The following PIK3C2G variants were observed in gnomAD, a reference collection of about 807,000 sequenced individuals.
PIK3C2G encodes the protein phosphatidylinositol-4-phosphate 3-kinase catalytic subunit type 2 gamma, also known as phosphatidylinositol 3-kinase C2 domain-containing subunit gamma.
A neutral mutation model predicts 181.1 loss-of-function variants in PIK3C2G; 168 were observed. That is an observed-to-expected ratio of 0.93 (90% confidence interval 0.82 to 1.05). PIK3C2G has a LOEUF of 1.05. Among genes scored for constraint, PIK3C2G ranks in the 50% least tolerant of loss-of-function variants. The probability of loss-of-function intolerance (pLI) is 0.00; values close to 1 mark genes in which losing one functional copy is unlikely to be tolerated. For missense variants in PIK3C2G, 1,869 were observed against 1,732.8 expected (o/e 1.08, Z -1.40); for synonymous variants, 573 against 592.2 (o/e 0.97, Z 0.47).
upstream of PIK3C2G, among the ~76,000 whole-genome samples, chr12:18,246,066 T>C (rs562388435): frequency 6.6e-6 from 1 of 152,298 alleles, no homozygotes; most frequent in South Asian, 2.1e-4. Flanking sequence ...TGCAAAGCTT[T>C]AGAAGTATCT....
intron 4 of PIK3C2G, among the ~76,000 whole-genome samples, chr12:18,293,310 T>C (rs2137220312): frequency 6.6e-6 from 1 of 152,200 alleles, no homozygotes; most frequent in East Asian, 1.9e-4. Context: ...AACTAAAAAA[T>C]GAAAAATCTA....
At chr12:18,460,579 A>G (rs146616939) in intron 18 of PIK3C2G, among the ~76,000 whole-genome samples, 21,137 of 148,308 alleles carry the variant, frequency 0.14, 1,614 homozygotes, top group African/African-American at 0.2. Flanking sequence ...GTCTCAAAAA[A>G]TAAATAAATA....
rs550241487 is a variant in PIK3C2G, at chr12:18,525,409, T to C, written c.3324-12747T>C. On this transcript the variant is annotated intron_variant, in intron 24 of 32. Coordinates refer to ENST00000538779, the MANE Select transcript of PIK3C2G (RefSeq NM_001288772.2). The stretch of plus-strand genomic sequence containing the variant: ...ACCCCATCTCAAAAAAAAAAATCTG[T>C]ATATCGAAGTTCATAAATTGAACTA... Among the ~76,000 whole-genome samples, 94 of 152,094 alleles carry C rather than the reference T, an allele frequency of 6.2e-4. 2 individuals carry two copies. The highest frequency in any genetic ancestry group is 2.2e-4 in the Non-Finnish European group (15 of 67,976).
intron 31 of PIK3C2G, among the ~76,000 whole-genome samples, chr12:18,618,817 T>A (rs1948718390): frequency 1.3e-5 from 2 of 152,046 alleles, no homozygotes; most frequent in Non-Finnish European, 2.9e-5. Context: ...CCTAAAATGA[T>A]AAATCTTGCT....
At chr12:18,651,386 C>A (rs73344919), downstream of PIK3C2G, among the ~76,000 whole-genome samples, 582 of 152,274 alleles carry the variant, frequency 3.8e-3, 6 homozygotes, top group African/African-American at 0.013. Context: ...TACTCTACAC[C>A]ACTTTTATCT....
In PIK3C2G at chr12:18,529,817, C is replaced by T. The variant is rs1195393325; in HGVS notation, c.3324-8339C>T. ...ATTTCAAGAGGAAGTGCAATATGAA[C>T]AGGATTTTAAAGAAAGGATTGGACT... On this transcript the variant is annotated intron_variant, in intron 24 of 32. Transcript: ENST00000538779. Among the ~76,000 whole-genome samples, 5 of 152,010 alleles carry T rather than the reference C, an allele frequency of 3.3e-5. No individual in the cohort carries two copies. The East Asian group carries it at 9.6e-4, about 29-fold the overall frequency.
the PIK3C2G span, among the ~76,000 whole-genome samples, chr12:18,664,796 G>A: frequency 6.6e-6 from 1 of 151,372 alleles, no homozygotes; most frequent in African/African-American, 2.4e-5. Flanking sequence ...AGAAAATGTG[G>A]CACATATACA....
intron 8 of PIK3C2G, among the ~76,000 whole-genome samples, chr12:18,332,252 C>T (rs1224994642): frequency 6.6e-6 from 1 of 152,132 alleles, no homozygotes; most frequent in Admixed American, 6.5e-5. Flanking sequence ...TTGACAGCTC[C>T]TGCTTGTCTG....
At chr12:18,298,244 C>T (rs1469200327) in intron 5 of PIK3C2G, among the ~76,000 whole-genome samples, 6 of 151,934 alleles carry the variant, frequency 3.9e-5, no homozygotes, top group Admixed American at 1.3e-4. Flanking sequence ...AACAATATCT[C>T]ATTGTTGTTT....
At chr12:18,435,110 A>G (rs915954942) in intron 18 of PIK3C2G, among the ~76,000 whole-genome samples, 1 of 152,002 alleles carries the variant, frequency 6.6e-6, no homozygotes, top group East Asian at 1.9e-4. Context: ...TACCATTTCA[A>G]TTCTTTCACC....
intron 15 of PIK3C2G, 123 bp downstream of exon 15, chr12:18,391,375 G>T (rs1943522233): frequency 1.7e-6 from 1 of 592,100 alleles, no homozygotes; most frequent in Non-Finnish European, 2.7e-6. Flanking sequence ...TTCATTTCCT[G>T]ATGTCATGCT....
chr12:18,546,274 G>T, intron 25 of PIK3C2G, 49 bp from the exon 26 acceptor site: 1 of 1,085,954 alleles, frequency 9.2e-7, no homozygotes, highest in Non-Finnish European at 1.4e-6. Flanking sequence ...GATTGTATCT[G>T]CATTTATTCT....
chr12:18,449,842 T>A (rs1362471937), intron 18 of PIK3C2G, among the ~76,000 whole-genome samples: 1 of 152,226 alleles, frequency 6.6e-6, no homozygotes, highest in East Asian at 1.9e-4. Context: ...TGGTCCTATA[T>A]CCTTGAGGAA....
At chr12:18,428,881 C>G (rs1309346737) in intron 18 of PIK3C2G, among the ~76,000 whole-genome samples, 1 of 152,140 alleles carries the variant, frequency 6.6e-6, no homozygotes, top group Non-Finnish European at 1.5e-5. Flanking sequence ...AGGCCCCTCC[C>G]CCATTATGTA....
At chr12:18,357,852 T>G (rs1321732579) in intron 11 of PIK3C2G, among the ~76,000 whole-genome samples, 1 of 152,194 alleles carries the variant, frequency 6.6e-6, no homozygotes, top group African/African-American at 2.4e-5. Flanking sequence ...TATTTAGTAT[T>G]TGTGTTTCTG....
chr12:18,426,099 T>G (rs1945796616), intron 18 of PIK3C2G, among the ~76,000 whole-genome samples: 2 of 152,234 alleles, frequency 1.3e-5, no homozygotes, highest in East Asian at 3.9e-4. Context: ...TCTTCAACAC[T>G]ATGACCTTTA....
chr12:18,685,612 A>G, the PIK3C2G span: 1 of 516,430 alleles, frequency 1.9e-6, no homozygotes, highest in Admixed American at 1.9e-5. Context: ...CCACAGAAAT[A>G]GTAAACTAAT....
At chr12:18,600,855 T>C (rs1174404684) in intron 30 of PIK3C2G, among the ~76,000 whole-genome samples, 1 of 152,084 alleles carries the variant, frequency 6.6e-6, no homozygotes. Flanking sequence ...TCAGATAATT[T>C]CCAGAGGAAT....
chr12:18,636,293 C>CA (rs1949599758), intron 31 of PIK3C2G, among the ~76,000 whole-genome samples: 1 of 152,118 alleles, frequency 6.6e-6, no homozygotes, highest in African/African-American at 2.4e-5. Context: ...AGTACAATGG[C>CA]ACGATCTCGG....
Sources: allele counts gnomAD v4.1 joint callset (sites outside exome capture counted in the v4.1 genomes callset), GRCh38; gene constraint gnomAD v4.1.1; transcripts MANE v1.5; gene names NCBI Gene and HGNC (gene_info 2026-07-23, HGNC 2026-07-21).